The following TRAK1 variants were observed in gnomAD, a reference collection of about 807,000 sequenced individuals.
The protein encoded by TRAK1 is trafficking kinesin-binding protein 1.
TRAK1 carries 33 observed loss-of-function variants against 92.1 expected under a neutral mutation model. The observed-to-expected ratio is 0.36, with a 90% CI of 0.27 to 0.48. The LOEUF is 0.48. TRAK1 is among the 20% of genes least tolerant of loss of function. The pLI is 0.99. For missense variants in TRAK1, 1,123 were observed against 1,257.9 expected, an observed-to-expected ratio of 0.89 and a Z score of 1.62; for synonymous variants, 521 against 517.3, an observed-to-expected ratio of 1.01 and a Z score of -0.10.
chr3:42,104,769 T>C (rs1005717239), intron 1 of TRAK1, among the ~76,000 whole-genome samples: 2 of 152,026 alleles, frequency 1.3e-5, no homozygotes, highest in African/African-American at 2.4e-5. Context: ...AGCTGAAAAT[T>C]CTAAAAATCA....
intron 1 of TRAK1, among the ~76,000 whole-genome samples, chr3:42,030,914 A>G (rs187047829): frequency 6.6e-5 from 10 of 151,974 alleles, no homozygotes; most frequent in Admixed American, 6.5e-4. Context: ...TAAGAAGGTA[A>G]ACCTCAAACT....
rs377616996 is a variant in TRAK1 at position 42,017,988 on chromosome 3, A to G, written c.-519+3871A>G. The stretch of plus-strand genomic sequence containing the variant: ...ACAGGTTCTTGCTATGTAACAGGTG[A>G]AGCTGGGAATAGCCCTTCCTAGAAT... On this transcript the variant is annotated intron_variant, in intron 1 of 16. Transcript: ENST00000487159. 4.0e-5 allele frequency among the ~76,000 whole-genome samples: 6 copies of G among 151,254 alleles called. No homozygotes were observed. In the East Asian group the frequency reaches 5.8e-4, roughly 15 times the overall value.
chr3:42,082,445 A>G (rs573165214), upstream of TRAK1, among the ~76,000 whole-genome samples: 137 of 152,230 alleles, frequency 9.0e-4, no homozygotes, highest in African/African-American at 3.1e-3. Flanking sequence ...TCAAAAATAA[A>G]AAATTAGCCT....
chr3:42,201,857 C>T (rs1576984011), intron 12 of TRAK1, among the ~76,000 whole-genome samples: 1 of 14,918 alleles, frequency 6.7e-5, no homozygotes, highest in Admixed American at 1.2e-3. Context: ...AGAACCTGGA[C>T]GGACGGACGG....
At chr3:42,159,195 A>G (rs920191143) in intron 2 of TRAK1, among the ~76,000 whole-genome samples, 4 of 152,114 alleles carry the variant, frequency 2.6e-5, no homozygotes, top group Non-Finnish European at 5.9e-5. Flanking sequence ...TGGTTCCCGA[A>G]CTTGTGTAGA....
At chr3:42,074,365 A>G (rs1406930479) in intron 1 of TRAK1, among the ~76,000 whole-genome samples, 1 of 152,236 alleles carries the variant, frequency 6.6e-6, no homozygotes, top group Admixed American at 6.5e-5. Context: ...TGTTGGTCTC[A>G]TCACCTTCTA....
At chr3:42,019,403 G>C (rs1002590253) in intron 1 of TRAK1, among the ~76,000 whole-genome samples, 1 of 152,180 alleles carries the variant, frequency 6.6e-6, no homozygotes, top group Non-Finnish European at 1.5e-5. Context: ...GGCTTCCTGA[G>C]TAGCATGCGT....
chr3:42,045,064 G>A (rs999599574), intron 1 of TRAK1, among the ~76,000 whole-genome samples: 1 of 152,092 alleles, frequency 6.6e-6, no homozygotes, highest in Non-Finnish European at 1.5e-5. Flanking sequence ...TACCATAAAT[G>A]TATGCTCCTG....
At chr3:42,153,715 C>T (rs1191867314) in intron 2 of TRAK1, among the ~76,000 whole-genome samples, 1 of 152,190 alleles carries the variant, frequency 6.6e-6, no homozygotes, top group African/African-American at 2.4e-5. Flanking sequence ...TGAAATGTCA[C>T]CCAAGATGGC....
At chr3:42,078,472 G>A (rs1704262840) in intron 1 of TRAK1, among the ~76,000 whole-genome samples, 1 of 151,962 alleles carries the variant, frequency 6.6e-6, no homozygotes, top group Admixed American at 6.6e-5. Flanking sequence ...ATGAGGCAGA[G>A]GCCAGGCACG....
rs565977850 is a variant in TRAK1, at chr3:42,111,671, A to T, written c.92-13749A>T. On this transcript the variant is annotated intron_variant, in intron 1 of 15. Coordinates refer to ENST00000327628, the MANE Select transcript of TRAK1 (RefSeq NM_001042646.3). ...AGGCCTCCCAAAGTGCTGGGATAAC[A>T]GGTGTGAGCCACTGCGCCCAGCCCT... 2.0e-5 allele frequency among the ~76,000 whole-genome samples: 3 copies of T among 152,282 alleles called. No homozygotes were observed. In the South Asian group the frequency reaches 6.2e-4, roughly 32 times the overall value.
intron 2 of TRAK1, chr3:42,160,158 G>C: frequency 9.4e-7 from 1 of 1,062,922 alleles, no homozygotes; most frequent in South Asian, 3.2e-5. Flanking sequence ...ACCCCCTTCC[G>C]GGTCCTGCCC....
At chr3:42,193,253 G>T in intron 8 of TRAK1, 48 bp downstream of exon 8, 2 of 1,603,894 alleles carry the variant, frequency 1.2e-6, no homozygotes, top group East Asian at 2.2e-5. Flanking sequence ...GCCATGCTGA[G>T]ACGGGGAAGG....
intron 2 of TRAK1, among the ~76,000 whole-genome samples, chr3:42,176,315 C>T (rs1703205438): frequency 6.6e-6 from 1 of 152,136 alleles, no homozygotes; most frequent in Non-Finnish European, 1.5e-5. Context: ...GGGGGCTATG[C>T]CATTATGAAA....
chr3:42,164,626 G>T (rs1383953110), intron 2 of TRAK1, among the ~76,000 whole-genome samples: 1 of 152,200 alleles, frequency 6.6e-6, no homozygotes, highest in Non-Finnish European at 1.5e-5. Context: ...TATCCCATGA[G>T]GTGGGTGCTC....
chr3:42,027,855 T>A (rs1295780639), intron 1 of TRAK1, among the ~76,000 whole-genome samples: 1 of 152,162 alleles, frequency 6.6e-6, no homozygotes, highest in Non-Finnish European at 1.5e-5. Flanking sequence ...GCAGACTCTG[T>A]TATTTTTTTT....
At chr3:42,047,547 C>T (rs1252154376) in intron 1 of TRAK1, among the ~76,000 whole-genome samples, 1 of 151,650 alleles carries the variant, frequency 6.6e-6, no homozygotes, top group African/African-American at 2.4e-5. Flanking sequence ...GAAAAGTGGA[C>T]TTAAGATTTA....
chr3:42,192,590 T>G (rs1705986709), intron 7 of TRAK1, among the ~76,000 whole-genome samples: 1 of 150,418 alleles, frequency 6.6e-6, no homozygotes, highest in African/African-American at 2.5e-5. Flanking sequence ...GTCAAGTGAG[T>G]TATGACTCTG....
chr3:42,185,666 T>C (rs1308230428), intron 4 of TRAK1, among the ~76,000 whole-genome samples: 2 of 128,986 alleles, frequency 1.6e-5, no homozygotes, highest in African/African-American at 2.9e-5. Context: ...CCTTTTCTTA[T>C]TCCTTTCTTT....
Sources: gnomAD v4.1 joint callset for allele counts (sites outside exome capture counted in the v4.1 genomes callset) on GRCh38, gnomAD v4.1.1 for gene constraint, MANE v1.5 for transcripts, NCBI Gene and HGNC (gene_info 2026-07-23, HGNC 2026-07-21) for gene names.